The following MAL2 variants were observed in gnomAD, a reference collection of about 807,000 sequenced individuals.
MAL2 encodes the protein protein MAL2.
Under a neutral mutation model 18.1 loss-of-function variants are expected in MAL2, and 17 were observed. The observed-to-expected ratio is 0.94, with a 90% CI of 0.64 to 1.41. The LOEUF is 1.41. Ranked by LOEUF, MAL2 falls within the 40% of genes most tolerant of loss-of-function variation. The pLI, the probability that MAL2 is intolerant of heterozygous loss-of-function variation, is 0.00. For synonymous variants in MAL2, 102 were observed against 102.3 expected (o/e 1.00, Z 0.02); for missense variants, 222 against 231.9 (o/e 0.96, Z 0.28).
intron 2 of MAL2, among the ~76,000 whole-genome samples, chr8:119,231,312 G>GT (rs1355358333): frequency 6.6e-6 from 1 of 152,180 alleles, no homozygotes; most frequent in Non-Finnish European, 1.5e-5. Flanking sequence ...GATTACAGGC[G>GT]TGAGCCACTG....
chr8:119,209,504 C>T (rs551683248), intron 1 of MAL2, among the ~76,000 whole-genome samples: 93 of 152,302 alleles, frequency 6.1e-4, no homozygotes, highest in African/African-American at 2.2e-3. Context: ...ATAAATTGGG[C>T]AACCTGAGGT....
Position 119,234,755 on chromosome 8 carries a change from G to A in MAL2, c.304-5410G>A, listed in dbSNP as rs181777996. On this transcript the variant is annotated intron_variant, in intron 2 of 3. Coordinates refer to ENST00000614891, the MANE Select transcript of MAL2 (RefSeq NM_052886.3). ...AGACCTGCAGCTGAGGGTCCTGTCTGTTAGAAGGAAAACTAACAAACAGAA... is the reference window on the plus strand; with the variant it reads ...AGACCTGCAGCTGAGGGTCCTGTCTATTAGAAGGAAAACTAACAAACAGAA... Among the ~76,000 whole-genome samples the A allele has an allele frequency of 7.8e-3, 1,182 of 151,710 alleles. 23 individuals are homozygous for A. Among genetic ancestry groups the A allele is most frequent in the African/African-American group, 0.025 (1,035 of 41,030 alleles).
chr8:119,231,489 C>G (rs1182896237), intron 2 of MAL2, among the ~76,000 whole-genome samples: 13 of 152,180 alleles, frequency 8.5e-5, no homozygotes. Flanking sequence ...CCCTTGCACA[C>G]TGTTGGTAGG....
intron 1 of MAL2, chr8:119,215,550 G>T (rs1817338076): frequency 1.3e-5 from 2 of 152,214 alleles, no homozygotes; most frequent in African/African-American, 4.8e-5. Context: ...TTTTGATCCA[G>T]TTGTAATTGC....
At chr8:119,211,324 C>T (rs898309317) in intron 1 of MAL2, among the ~76,000 whole-genome samples, 1 of 152,218 alleles carries the variant, frequency 6.6e-6, no homozygotes, top group African/African-American at 2.4e-5. Flanking sequence ...TGGATATCCT[C>T]AAACTCCATT....
Position 119,208,757 on chromosome 8 carries a change from C to T in MAL2, c.132+153C>T. 8.8e-7 allele frequency: 1 copy of T among 1,141,308 alleles called. No homozygotes were observed. Among genetic ancestry groups the T allele is most frequent in the Non-Finnish European group, 1.1e-6 (1 of 911,516 alleles). 70.7% of individuals were successfully genotyped at this position (1,141,308 alleles called of 1,614,324 possible). On this transcript the variant is annotated intron_variant, in intron 1 of 3. Coordinates refer to ENST00000614891, the MANE Select transcript of MAL2 (RefSeq NM_052886.3). This position sits in a 1 kb window ranked among gnomAD's most constrained non-coding sequence, Gnocchi z 4.3. ...GCTCCCTCCCGGGGTCCTCTCGGTGCCCCGCGCCGCCGCCCGGGCCCTCCC... is the reference window on the plus strand; with the variant it reads ...GCTCCCTCCCGGGGTCCTCTCGGTGTCCCGCGCCGCCGCCCGGGCCCTCCC...
chr8:119,213,590 A>G (rs1180562186), intron 1 of MAL2, among the ~76,000 whole-genome samples: 1 of 152,130 alleles, frequency 6.6e-6, no homozygotes, highest in Non-Finnish European at 1.5e-5. Context: ...AGGCTGAAGC[A>G]GGTGGATCAC....
At chr8:119,231,020 C>CA (rs1167711778) in intron 2 of MAL2, among the ~76,000 whole-genome samples, 2,198 of 151,190 alleles carry the variant, frequency 0.015, 56 homozygotes, top group African/African-American at 0.05. Flanking sequence ...GATGTGAGAA[C>CA]AGTTTTTTTT....
In MAL2 at chr8:119,218,756, T is replaced by C. The variant is rs1817406687; in HGVS notation, c.133-2831T>C. Among the ~76,000 whole-genome samples the C allele has an allele frequency of 2.0e-5, 3 of 152,226 alleles. No individual in the cohort carries two copies. The South Asian group carries it at 6.2e-4, about 32-fold the overall frequency. ...CCAAAGGATCATATAGCCTCCTCTT[T>C]AGAGGTGTGAATGTATCATCATCCC... On this transcript the variant is annotated intron_variant, in intron 1 of 3. Coordinates refer to ENST00000614891, the MANE Select transcript of MAL2 (RefSeq NM_052886.3).
intron 2 of MAL2, among the ~76,000 whole-genome samples, chr8:119,233,304 G>T (rs1817776696): frequency 6.6e-6 from 1 of 152,144 alleles, no homozygotes; most frequent in Non-Finnish European, 1.5e-5. Context: ...AAAGCTAGCA[G>T]AAGGCAAGAA....
At chr8:119,228,604 T>C (rs1366985277) in intron 2 of MAL2, among the ~76,000 whole-genome samples, 2 of 152,144 alleles carry the variant, frequency 1.3e-5, no homozygotes, top group African/African-American at 4.8e-5. Flanking sequence ...CAGTACATGA[T>C]GCAGCCCATG....
At chr8:119,217,854 C>G (rs1198133176) in intron 1 of MAL2, among the ~76,000 whole-genome samples, 3 of 152,236 alleles carry the variant, frequency 2.0e-5, no homozygotes, top group Non-Finnish European at 2.9e-5. Context: ...TGCAAACACT[C>G]TAAGCTCACT....
chr8:119,241,064 T>C (rs1005445311), intron 3 of MAL2, among the ~76,000 whole-genome samples: 4 of 152,202 alleles, frequency 2.6e-5, no homozygotes, highest in African/African-American at 9.6e-5. Flanking sequence ...GTGACCCTAA[T>C]GTTTTATTAT....
chr8:119,236,587 A>G (rs1817902018), intron 2 of MAL2, among the ~76,000 whole-genome samples: 1 of 151,968 alleles, frequency 6.6e-6, no homozygotes, highest in Non-Finnish European at 1.5e-5. Context: ...AAATTATAAC[A>G]AACTCTCTCA....
intron 1 of MAL2, among the ~76,000 whole-genome samples, chr8:119,216,439 A>G (rs912803348): frequency 3.3e-5 from 5 of 152,196 alleles, no homozygotes; most frequent in African/African-American, 1.2e-4. Flanking sequence ...CCTATAAAGT[A>G]GGAATAATAA....
chr8:119,215,499 C>T (rs904275258), intron 1 of MAL2: 4 of 152,292 alleles, frequency 2.6e-5, no homozygotes, highest in Middle Eastern at 3.4e-3. Flanking sequence ...CCGACTCTGA[C>T]GTCACAGTCT....
At chr8:119,232,737 G>A (rs559844601) in intron 2 of MAL2, among the ~76,000 whole-genome samples, 335 of 152,118 alleles carry the variant, frequency 2.2e-3, no homozygotes, top group Middle Eastern at 6.8e-3. Context: ...ATAATAAAAA[G>A]ATGTTATTTA....
At chr8:119,229,104 C>G (rs1053156223) in intron 2 of MAL2, among the ~76,000 whole-genome samples, 1 of 152,146 alleles carries the variant, frequency 6.6e-6, no homozygotes, top group Non-Finnish European at 1.5e-5. Flanking sequence ...CTAACATCAA[C>G]TCGAAGGGTC....
intron 1 of MAL2, among the ~76,000 whole-genome samples, chr8:119,220,062 A>C (rs1270791284): frequency 2.6e-5 from 4 of 152,160 alleles, no homozygotes; most frequent in Admixed American, 2.6e-4. Context: ...GGCAAGAGAC[A>C]AGGATGAAAA....
Sources: allele counts gnomAD v4.1 joint callset (sites outside exome capture counted in the v4.1 genomes callset), GRCh38; gene constraint gnomAD v4.1.1; non-coding constraint Gnocchi (gnomAD v3.1); transcripts MANE v1.5; gene names NCBI Gene and HGNC (gene_info 2026-07-23, HGNC 2026-07-21).